Variants in RPS6KC1 observed in about 807,000 individuals in gnomAD.
RPS6KC1 encodes inactive ribosomal protein S6 kinase delta-1.
A neutral mutation model predicts 103.8 loss-of-function variants in RPS6KC1; 54 were observed. The observed-to-expected ratio is 0.52, with a 90% CI of 0.42 to 0.65. The LOEUF is 0.65. Among genes scored for constraint, RPS6KC1 ranks in the 30% least tolerant of loss-of-function variants. RPS6KC1 has a pLI of 0.00. For synonymous variants in RPS6KC1, 439 were observed against 438.7 expected (o/e 1.00, Z -0.01); for missense variants, 1,151 against 1,253.8 (o/e 0.92, Z 1.24).
the RPS6KC1 span, among the ~76,000 whole-genome samples, chr1:213,465,970 C>A: frequency 1.3e-5 from 2 of 152,076 alleles, no homozygotes; most frequent in East Asian, 1.9e-4. Flanking sequence ...AGAGAAAAAT[C>A]TTTTGCTTCT....
the RPS6KC1 span, among the ~76,000 whole-genome samples, chr1:213,490,126 TG>T: frequency 6.6e-6 from 1 of 152,152 alleles, no homozygotes; most frequent in Non-Finnish European, 1.5e-5. Flanking sequence ...TGGAAAGAGC[TG>T]GGCAGTGAGG....
the RPS6KC1 span, among the ~76,000 whole-genome samples, chr1:213,780,247 G>A: frequency 5.0e-4 from 76 of 152,310 alleles, no homozygotes; most frequent in African/African-American, 1.8e-3. Flanking sequence ...TGACCCCCGG[G>A]TAGGTATATA....
chr1:213,732,112 A>G, the RPS6KC1 span, among the ~76,000 whole-genome samples: 3 of 150,594 alleles, frequency 2.0e-5, no homozygotes, highest in Admixed American at 6.6e-5. Context: ...AGAATTTTTG[A>G]AAAAAAAACC....
chr1:213,741,548 C>G, the RPS6KC1 span, among the ~76,000 whole-genome samples: 2 of 151,904 alleles, frequency 1.3e-5, no homozygotes, highest in African/African-American at 4.8e-5. Context: ...AAAAAATCAT[C>G]TGTGAACCAA....
chr1:213,462,779 A>T, the RPS6KC1 span, among the ~76,000 whole-genome samples: 1 of 152,328 alleles, frequency 6.6e-6, no homozygotes, highest in African/African-American at 2.4e-5. Flanking sequence ...AGGGTATAGC[A>T]TTAGGAGAAA....
chr1:213,109,859 G>A (rs888604972), intron 4 of RPS6KC1, among the ~76,000 whole-genome samples: 44 of 151,938 alleles, frequency 2.9e-4, no homozygotes, highest in African/African-American at 1.0e-3. Context: ...GAGATTTAGA[G>A]GGTGTGTATG....
chr1:213,711,906 C>A, the RPS6KC1 span, among the ~76,000 whole-genome samples: 1 of 152,188 alleles, frequency 6.6e-6, no homozygotes, highest in Non-Finnish European at 1.5e-5. Flanking sequence ...CGAAGGGCAC[C>A]CCTCAGATGC....
chr1:213,664,085 C>G, the RPS6KC1 span, among the ~76,000 whole-genome samples: 1 of 151,664 alleles, frequency 6.6e-6, no homozygotes, highest in Admixed American at 6.6e-5. Context: ...CTGACCTTCT[C>G]TGGCCTGCAC....
the RPS6KC1 span, among the ~76,000 whole-genome samples, chr1:213,376,674 G>A: frequency 6.6e-6 from 1 of 152,162 alleles, no homozygotes; most frequent in Non-Finnish European, 1.5e-5. Flanking sequence ...GTTGTGCAGT[G>A]CAGAGAGTGG....
chr1:213,351,551 G>T, the RPS6KC1 span, among the ~76,000 whole-genome samples: 1 of 152,182 alleles, frequency 6.6e-6, no homozygotes, highest in African/African-American at 2.4e-5. Context: ...TATGAGTGGA[G>T]TTTTGTCATT....
the RPS6KC1 span, among the ~76,000 whole-genome samples, chr1:213,711,641 C>T: frequency 6.6e-6 from 1 of 152,154 alleles, no homozygotes; most frequent in Non-Finnish European, 1.5e-5. Flanking sequence ...TCCTCATCTT[C>T]ATGGATTTAT....
chr1:213,367,933 T>C, the RPS6KC1 span, among the ~76,000 whole-genome samples: 1 of 152,246 alleles, frequency 6.6e-6, no homozygotes, highest in South Asian at 2.1e-4. Flanking sequence ...GTTTCTTTTA[T>C]CCCTAAAATT....
chr1:213,679,007 A>G, the RPS6KC1 span, among the ~76,000 whole-genome samples: 1 of 152,168 alleles, frequency 6.6e-6, no homozygotes, highest in Non-Finnish European at 1.5e-5. Flanking sequence ...CATTCCTTCC[A>G]TGTTGGAGAA....
chr1:213,262,202 AG>A (rs1470813242), intron 13 of RPS6KC1, among the ~76,000 whole-genome samples: 1 of 152,154 alleles, frequency 6.6e-6, no homozygotes, highest in East Asian at 1.9e-4. Context: ...AAGAAAATGA[AG>A]GAAATGAAGG....
chr1:213,803,405 C>T, the RPS6KC1 span, among the ~76,000 whole-genome samples: 3 of 152,138 alleles, frequency 2.0e-5, no homozygotes, highest in Admixed American at 1.3e-4. Flanking sequence ...TGTCACCACA[C>T]CTGGCTAATT....
the RPS6KC1 span, among the ~76,000 whole-genome samples, chr1:213,285,916 A>G: frequency 6.6e-6 from 1 of 152,202 alleles, no homozygotes; most frequent in East Asian, 1.9e-4. Flanking sequence ...CCTTCACCAG[A>G]CACTGAATCT....
chr1:213,511,865 A>G, the RPS6KC1 span, among the ~76,000 whole-genome samples: 1 of 152,064 alleles, frequency 6.6e-6, no homozygotes, highest in Non-Finnish European at 1.5e-5. Context: ...ACCTTCTAAT[A>G]TATTATATCA....
chr1:213,444,104 G>T, the RPS6KC1 span, among the ~76,000 whole-genome samples: 20 of 152,096 alleles, frequency 1.3e-4, no homozygotes, highest in Non-Finnish European at 2.4e-4. Flanking sequence ...AGTTTCTGGT[G>T]GCTTGCTGGC....
chr1:213,244,093 CA>C (rs764741228), intron 12 of RPS6KC1, among the ~76,000 whole-genome samples: 4 of 151,580 alleles, frequency 2.6e-5, no homozygotes, highest in Non-Finnish European at 2.9e-5. Context: ...AGCACACTTA[CA>C]TTTTTTTTTC....
Sources: allele counts gnomAD v4.1 joint callset (sites outside exome capture counted in the v4.1 genomes callset), GRCh38; gene constraint gnomAD v4.1.1; transcripts MANE v1.5; gene names NCBI Gene and HGNC (gene_info 2026-07-23, HGNC 2026-07-21).